The following ABTB3 variants were observed in gnomAD, a reference collection of about 807,000 sequenced individuals.
ABTB3 encodes the protein ankyrin repeat- and BTB/POZ domain-containing protein 3.
the ABTB3 span, among the ~76,000 whole-genome samples, chr12:107,471,028 C>T: frequency 7.9e-5 from 12 of 152,242 alleles, no homozygotes; most frequent in East Asian, 3.9e-4. Context: ...ATGCCAGGCA[C>T]GAAGGGGGCA....
At chr12:107,363,068 T>C in the ABTB3 span, among the ~76,000 whole-genome samples, 7 of 152,116 alleles carry the variant, frequency 4.6e-5, no homozygotes, top group African/African-American at 1.4e-4. Flanking sequence ...TTTGAAAGGG[T>C]GATAACCCTT....
the ABTB3 span, among the ~76,000 whole-genome samples, chr12:107,595,890 T>G: frequency 6.6e-6 from 1 of 152,094 alleles, no homozygotes; most frequent in Admixed American, 6.6e-5. Flanking sequence ...ATATATTATT[T>G]CACATATTTA....
the ABTB3 span, among the ~76,000 whole-genome samples, chr12:107,523,646 A>G: frequency 1.3e-5 from 2 of 152,120 alleles, no homozygotes; most frequent in Non-Finnish European, 2.9e-5. Flanking sequence ...TGGGTGTAAT[A>G]TGTGTGAATG....
At chr12:107,464,986 A>G in the ABTB3 span, among the ~76,000 whole-genome samples, 11 of 151,574 alleles carry the variant, frequency 7.3e-5, no homozygotes, top group Admixed American at 4.6e-4. Flanking sequence ...ACCCCAGAGA[A>G]TTCTCTTGGA....
the ABTB3 span, among the ~76,000 whole-genome samples, chr12:107,501,825 G>A: frequency 2.3e-4 from 35 of 152,278 alleles, no homozygotes; most frequent in African/African-American, 8.4e-4. Flanking sequence ...ACACCACGGA[G>A]CCCTGAATCA....
the ABTB3 span, among the ~76,000 whole-genome samples, chr12:107,477,671 C>T: frequency 4.9e-3 from 749 of 152,164 alleles, 10 homozygotes; most frequent in Middle Eastern, 0.017. Flanking sequence ...TGCACCAACA[C>T]GCATAAAACA....
the ABTB3 span, among the ~76,000 whole-genome samples, chr12:107,417,826 G>A: frequency 6.6e-6 from 1 of 152,194 alleles, no homozygotes. Flanking sequence ...TAATTCCTGT[G>A]TGCATCTGAG....
At chr12:107,525,120 G>C in the ABTB3 span, among the ~76,000 whole-genome samples, 2 of 151,898 alleles carry the variant, frequency 1.3e-5, no homozygotes, top group African/African-American at 4.8e-5. Context: ...GAGCCCAGGA[G>C]TTGAGACCAT....
chr12:107,496,436 A>T, the ABTB3 span, among the ~76,000 whole-genome samples: 3 of 152,072 alleles, frequency 2.0e-5, no homozygotes, highest in Admixed American at 6.6e-5. Flanking sequence ...AGGGCAGGGG[A>T]TATAAAGATG....
the ABTB3 span, chr12:107,520,532 A>G: frequency 6.2e-7 from 1 of 1,614,218 alleles, no homozygotes; most frequent in East Asian, 2.2e-5. Context: ...AGAGACCCAC[A>G]GCGGTCAAAC....
the ABTB3 span, among the ~76,000 whole-genome samples, chr12:107,599,264 A>G: frequency 1.3e-5 from 2 of 152,250 alleles, no homozygotes; most frequent in African/African-American, 2.4e-5. Context: ...TAACAAAAAC[A>G]GATTCATGTG....
chr12:107,624,188 C>T, the ABTB3 span, among the ~76,000 whole-genome samples: 12 of 148,182 alleles, frequency 8.1e-5, no homozygotes, highest in East Asian at 1.8e-3. Flanking sequence ...AAAGTGTGAT[C>T]GGTGGGGTTT....
chr12:107,652,631 C>T, the ABTB3 span, among the ~76,000 whole-genome samples: 5 of 152,182 alleles, frequency 3.3e-5, no homozygotes, highest in South Asian at 1.0e-3. Flanking sequence ...CCCCCGATGA[C>T]CTCAGCAGTA....
chr12:107,526,812 C>G, the ABTB3 span, among the ~76,000 whole-genome samples: 1 of 152,124 alleles, frequency 6.6e-6, no homozygotes, highest in African/African-American at 2.4e-5. Context: ...AAACGCAAAC[C>G]CACAAAAACA....
chr12:107,369,442 C>A, the ABTB3 span, among the ~76,000 whole-genome samples: 38,312 of 149,544 alleles, frequency 0.26, 6,028 homozygotes, highest in South Asian at 0.41. Flanking sequence ...CTTGTCACCC[C>A]GGCTGGAGTG....
chr12:107,434,499 A>G, the ABTB3 span, among the ~76,000 whole-genome samples: 1 of 152,224 alleles, frequency 6.6e-6, no homozygotes, highest in Non-Finnish European at 1.5e-5. Context: ...CTCCATCGAA[A>G]TAGTGAAAGC....
chr12:107,527,906 T>C, the ABTB3 span, among the ~76,000 whole-genome samples: 3 of 152,230 alleles, frequency 2.0e-5, no homozygotes, highest in Admixed American at 6.5e-5. Context: ...GGTTTCCTCA[T>C]CTGTGCTGTG....
the ABTB3 span, among the ~76,000 whole-genome samples, chr12:107,449,597 A>C: frequency 1.3e-5 from 2 of 152,110 alleles, no homozygotes; most frequent in Admixed American, 6.5e-5. Context: ...ACCCTTAGCC[A>C]TATTACTTAA....
the ABTB3 span, among the ~76,000 whole-genome samples, chr12:107,511,688 A>G: frequency 6.6e-6 from 1 of 152,182 alleles, no homozygotes; most frequent in Non-Finnish European, 1.5e-5. Context: ...CAGGCTGGCC[A>G]AGATTTAATG....
Sources: allele counts gnomAD v4.1 joint callset (sites outside exome capture counted in the v4.1 genomes callset), GRCh38; gene constraint gnomAD v4.1.1; transcripts MANE v1.5; gene names NCBI Gene and HGNC (gene_info 2026-07-23, HGNC 2026-07-21).